Variants in GALNT13 observed in about 807,000 individuals in gnomAD.
The protein encoded by GALNT13 is polypeptide N-acetylgalactosaminyltransferase 13.
GALNT13 carries 28 observed loss-of-function variants against 64.2 expected under a neutral mutation model. That is an observed-to-expected ratio of 0.44 (90% CI 0.32 to 0.60). GALNT13 has a LOEUF of 0.60. GALNT13 is among the 20% of genes least tolerant of loss of function. The pLI is 0.05. For synonymous variants in GALNT13, 214 were observed against 224.6 expected, an observed-to-expected ratio of 0.95 and a Z score of 0.42; for missense variants, 577 against 669.8, an observed-to-expected ratio of 0.86 and a Z score of 1.53.
the GALNT13 span, among the ~76,000 whole-genome samples, chr2:153,424,300 A>G: frequency 6.6e-6 from 1 of 151,626 alleles, no homozygotes; most frequent in African/African-American, 2.4e-5. Flanking sequence ...AATATTTAAA[A>G]AATTTTGCTG....
chr2:153,938,976 G>A (rs1691145079), intron 2 of GALNT13, among the ~76,000 whole-genome samples: 1 of 152,108 alleles, frequency 6.6e-6, no homozygotes, highest in African/African-American at 2.4e-5. Flanking sequence ...ATATATTGGA[G>A]TGAGAGAGGG....
chr2:154,121,833 A>G (rs1681961021), intron 3 of GALNT13, among the ~76,000 whole-genome samples: 2 of 152,028 alleles, frequency 1.3e-5, no homozygotes, highest in African/African-American at 2.4e-5. Flanking sequence ...CCAATCCATT[A>G]AACTGATCTT....
the GALNT13 span, among the ~76,000 whole-genome samples, chr2:153,369,953 C>T: frequency 6.6e-6 from 1 of 152,120 alleles, no homozygotes; most frequent in Non-Finnish European, 1.5e-5. Context: ...TTATTTGACC[C>T]ATGGGTTCCT....
At chr2:153,481,872 A>C in the GALNT13 span, among the ~76,000 whole-genome samples, 1 of 152,334 alleles carries the variant, frequency 6.6e-6, no homozygotes, top group South Asian at 2.1e-4. Flanking sequence ...AGATATTTTA[A>C]AAAAGGAAAT....
chr2:153,509,105 C>T, the GALNT13 span, among the ~76,000 whole-genome samples: 1 of 152,308 alleles, frequency 6.6e-6, no homozygotes, highest in East Asian at 1.9e-4. Context: ...ATTACCCGTC[C>T]AGGAAGAGAG....
the GALNT13 span, among the ~76,000 whole-genome samples, chr2:153,442,812 A>G: frequency 6.6e-6 from 1 of 152,160 alleles, no homozygotes; most frequent in Non-Finnish European, 1.5e-5. Flanking sequence ...GGCTCCTCCC[A>G]GTTTGAACTT....
chr2:154,199,689 A>T (rs1257966086), intron 4 of GALNT13, among the ~76,000 whole-genome samples: 1 of 152,046 alleles, frequency 6.6e-6, no homozygotes, highest in Admixed American at 6.6e-5. Context: ...CAGTCTTATA[A>T]TTATGTCATA....
the GALNT13 span, among the ~76,000 whole-genome samples, chr2:153,252,822 T>C: frequency 8.5e-5 from 13 of 152,276 alleles, no homozygotes; most frequent in Admixed American, 2.6e-4. Context: ...TTCTGTTACA[T>C]TGGTCTGTAT....
the GALNT13 span, among the ~76,000 whole-genome samples, chr2:153,857,372 ATAAGT>A: frequency 6.6e-6 from 1 of 152,190 alleles, no homozygotes. Flanking sequence ...ACTTCAAGAC[ATAAGT>A]TAATTCATGT....
chr2:153,253,747 T>C, the GALNT13 span, among the ~76,000 whole-genome samples: 43,090 of 142,876 alleles, frequency 0.3, 5,033 homozygotes, highest in Middle Eastern at 0.46. Context: ...TTGTCTTTGG[T>C]TCTGTTTATA....
chr2:154,389,065 G>T (rs1698653058), intron 9 of GALNT13, among the ~76,000 whole-genome samples: 1 of 152,094 alleles, frequency 6.6e-6, no homozygotes, highest in Non-Finnish European at 1.5e-5. Flanking sequence ...TAATACGAGA[G>T]TTGTATTTTG....
chr2:153,718,341 G>T, the GALNT13 span, among the ~76,000 whole-genome samples: 1 of 151,738 alleles, frequency 6.6e-6, no homozygotes, highest in Non-Finnish European at 1.5e-5. Context: ...ATTTGTCTTG[G>T]GTGCCCTTTA....
rs201355286 is a variant in GALNT13, at chr2:154,148,898, G to A, written c.311+8393G>A. Among the ~76,000 whole-genome samples the A allele has an allele frequency of 2.4e-3, 371 of 152,182 alleles. 9 individuals are homozygous for A. The East Asian group carries it at 0.056, about 23-fold the overall frequency. ...AGGTTGCCTGTTCACTCTGATGGTA[G>A]TTTCTTTTGCTGTGCAGAAGCTCTT... On this transcript the variant is annotated intron_variant, in intron 4 of 12. Coordinates refer to ENST00000392825, the MANE Select transcript of GALNT13 (RefSeq NM_052917.4).
intron 4 of GALNT13, among the ~76,000 whole-genome samples, chr2:154,205,208 A>G (rs551927507): frequency 6.6e-6 from 1 of 152,218 alleles, no homozygotes; most frequent in South Asian, 2.1e-4. Flanking sequence ...TATCCACTGT[A>G]CTGTAATAAA....
chr2:154,233,270 TTTAAGGAAGGTC>T (rs1179143295), intron 4 of GALNT13, among the ~76,000 whole-genome samples: 2 of 152,054 alleles, frequency 1.3e-5, no homozygotes, highest in African/African-American at 4.8e-5. Flanking sequence ...ACTTAAGTAG[TTTAAGGAAGGTC>T]TTTTAATGTA....
chr2:154,393,137 T>A (rs560493123), intron 9 of GALNT13, among the ~76,000 whole-genome samples: 1 of 152,264 alleles, frequency 6.6e-6, no homozygotes, highest in Non-Finnish European at 1.5e-5. Context: ...GGTAAACAAT[T>A]GGATAACCTA....
the GALNT13 span, among the ~76,000 whole-genome samples, chr2:153,656,471 A>G: frequency 1.3e-5 from 2 of 152,072 alleles, no homozygotes; most frequent in African/African-American, 4.8e-5. Flanking sequence ...AATAGAGACT[A>G]TTTCAACTAT....
chr2:153,490,671 C>A, the GALNT13 span, among the ~76,000 whole-genome samples: 40 of 152,236 alleles, frequency 2.6e-4, no homozygotes, highest in African/African-American at 9.1e-4. Context: ...TGAGTAAATA[C>A]AAAATTGGCT....
At chr2:153,806,438 T>C in the GALNT13 span, among the ~76,000 whole-genome samples, 13 of 152,220 alleles carry the variant, frequency 8.5e-5, no homozygotes, top group Middle Eastern at 0.01. Flanking sequence ...GAAGCGTGTC[T>C]CTTTATAATA....
Sources: gnomAD v4.1 joint callset for allele counts (sites outside exome capture counted in the v4.1 genomes callset) on GRCh38, gnomAD v4.1.1 for gene constraint, MANE v1.5 for transcripts, NCBI Gene and HGNC (gene_info 2026-07-23, HGNC 2026-07-21) for gene names.